The following FMN1 variants were observed in gnomAD, a reference collection of about 807,000 sequenced individuals.
FMN1 encodes formin 1.
Under a neutral mutation model 132.4 loss-of-function variants are expected in FMN1, and 110 were observed. The ratio of observed to expected loss-of-function variants is 0.83; its 90% CI spans 0.71 to 0.97. The LOEUF (loss-of-function observed/expected upper bound fraction) is 0.97, where lower values mean the gene tolerates loss of function less well. Among genes scored for constraint, FMN1 ranks in the 50% least tolerant of loss-of-function variants. FMN1 has a pLI of 0.00. For missense variants in FMN1, 1,792 were observed against 1,705.3 expected, an observed-to-expected ratio of 1.05 and a Z score of -0.90; for synonymous variants, 722 against 651.7, an observed-to-expected ratio of 1.11 and a Z score of -1.64.
At chr15:33,147,528 C>T (rs1382988830) in intron 4 of FMN1, among the ~76,000 whole-genome samples, 1 of 152,196 alleles carries the variant, frequency 6.6e-6, no homozygotes, top group Non-Finnish European at 1.5e-5. Context: ...ATCTTGTACT[C>T]TGAATCCAAA....
intron 17 of FMN1, among the ~76,000 whole-genome samples, chr15:32,835,705 C>T (rs1212231862): frequency 1.3e-5 from 2 of 152,080 alleles, no homozygotes; most frequent in African/African-American, 4.8e-5. Context: ...GTTCAGATAA[C>T]CTTGGGACAC....
In FMN1 at chr15:33,153,699, T is replaced by C. The variant is rs2140283377; in HGVS notation, c.1216A>G (p.Ile406Val). The change falls in exon 4 of 21, where the codon ATT becomes GTT. Residue 406 changes from isoleucine (I) to valine (V), a missense_variant. Physicochemically the swap from Ile to Val is conservative, Grantham distance 29. Transcript: ENST00000616417. ...TCGGCACTGGCCGACACACTAGAAA[T>C]GGAGGCTGTTTCCCCGGCTGGCGAC... is the stretch of plus-strand genomic sequence containing the variant. ...SQSPAGETAS[I>V]SSVSASAEGA... 6.5e-7 allele frequency: 1 copy of C among 1,536,376 alleles called. No individual in the cohort carries two copies. The highest frequency in any genetic ancestry group is 8.7e-7 in the Non-Finnish European group (1 of 1,146,974).
At chr15:32,956,541 G>C (rs1455580189) in intron 9 of FMN1, among the ~76,000 whole-genome samples, 1 of 152,086 alleles carries the variant, frequency 6.6e-6, no homozygotes, top group Non-Finnish European at 1.5e-5. Context: ...GGAAAGCCCT[G>C]ATCATTCCAG....
rs1465222531 is a variant in FMN1, at chr15:33,005,777, G to A, written c.2223+2237C>T. 5.3e-5 allele frequency among the ~76,000 whole-genome samples: 8 copies of A among 152,242 alleles called. No homozygotes were observed. In the South Asian group the frequency reaches 1.5e-3, roughly 28 times the overall value. On this transcript the variant is annotated intron_variant, in intron 7 of 20. Coordinates refer to ENST00000616417, the MANE Select transcript of FMN1 (RefSeq NM_001277313.2). ...CTGTTCCTGCCCTCTTTAGGAATCT[G>A]TGTCTTAAATTATCCCCTACCAATT...
intron 6 of FMN1, among the ~76,000 whole-genome samples, chr15:33,033,964 C>A (rs2036071142): frequency 6.6e-6 from 1 of 152,120 alleles, no homozygotes; most frequent in Non-Finnish European, 1.5e-5. Context: ...GAGGCTTTCT[C>A]ATTTCTCCTC....
Position 33,168,667 on chromosome 15 carries a change from G to A in FMN1, c.-132+11531C>T, listed in dbSNP as rs149105223. Among the ~76,000 whole-genome samples, 743 of 152,316 alleles carry A rather than the reference G, an allele frequency of 4.9e-3. 6 individuals are homozygous for A. The highest frequency in any genetic ancestry group is 0.017 in the African/African-American group (703 of 41,568). On this transcript the variant is annotated intron_variant, in intron 3 of 20. Transcript: ENST00000616417. Reference sequence around the variant, plus strand: ...AAGGGTCAAAGTGTCAAAGTTTGACGTGGTCCTCTTTGTGATTAGGAGGTT... The same window carrying A: ...AAGGGTCAAAGTGTCAAAGTTTGACATGGTCCTCTTTGTGATTAGGAGGTT...
At chr15:33,173,692 G>A (rs1965411829) in intron 3 of FMN1, among the ~76,000 whole-genome samples, 1 of 152,348 alleles carries the variant, frequency 6.6e-6, no homozygotes, top group East Asian at 1.9e-4. Flanking sequence ...ACATTGGGAG[G>A]CCAAGGCGGG....
At chr15:32,866,957 G>C (rs908199972) in intron 16 of FMN1, among the ~76,000 whole-genome samples, 1 of 152,136 alleles carries the variant, frequency 6.6e-6, no homozygotes, top group South Asian at 2.1e-4. Flanking sequence ...AAGTTCTCTA[G>C]GGTTTGGCAT....
intron 4 of FMN1, among the ~76,000 whole-genome samples, chr15:33,128,057 GA>G (rs1456937315): frequency 2.0e-5 from 3 of 152,130 alleles, no homozygotes; most frequent in Non-Finnish European, 4.4e-5. Context: ...TCAGGTGACA[GA>G]AAGGACAAAA....
chr15:33,035,444 G>A (rs901689715), intron 6 of FMN1, among the ~76,000 whole-genome samples: 1 of 152,106 alleles, frequency 6.6e-6, no homozygotes, highest in Admixed American at 6.6e-5. Flanking sequence ...AAGAACATCT[G>A]GCTCTGCACT....
chr15:32,892,572 T>C (rs1041373418), intron 15 of FMN1, among the ~76,000 whole-genome samples: 1 of 152,210 alleles, frequency 6.6e-6, no homozygotes, highest in African/African-American at 2.4e-5. Context: ...GCTTGCTTCA[T>C]AAAATAAATT....
Position 32,842,258 on chromosome 15 carries a change from T to G in FMN1, c.3928+14757A>C, listed in dbSNP as rs114416432. On this transcript the variant is annotated intron_variant, in intron 17 of 20. Transcript: ENST00000616417. Reference sequence around the variant, plus strand: ...ATGCTATGAGAAAGCGCAAGCCATGTGGAGTGACTGCACGGGCTCTCAGAG... The same window carrying G: ...ATGCTATGAGAAAGCGCAAGCCATGGGGAGTGACTGCACGGGCTCTCAGAG... Among the ~76,000 whole-genome samples, 246 of 152,322 alleles carry G rather than the reference T, an allele frequency of 1.6e-3. 1 individual carries two copies. Among genetic ancestry groups the G allele is most frequent in the African/African-American group, 5.6e-3 (234 of 41,578 alleles).
intron 5 of FMN1, among the ~76,000 whole-genome samples, chr15:33,080,013 T>G (rs890760828): frequency 2.0e-5 from 3 of 152,172 alleles, no homozygotes; most frequent in African/African-American, 7.2e-5. Flanking sequence ...ACATACACAC[T>G]GACATGTACT....
intron 6 of FMN1, among the ~76,000 whole-genome samples, chr15:33,061,978 A>T (rs2037505701): frequency 6.6e-6 from 1 of 152,168 alleles, no homozygotes; most frequent in Non-Finnish European, 1.5e-5. Flanking sequence ...TTAAGCTAAA[A>T]GAATTATCAG....
At chr15:32,898,371 C>T (rs1158432656) in intron 15 of FMN1, among the ~76,000 whole-genome samples, 5 of 152,170 alleles carry the variant, frequency 3.3e-5, no homozygotes, top group Non-Finnish European at 7.4e-5. Flanking sequence ...TTTCTAATTG[C>T]AAATGCCCTC....
intron 4 of FMN1, among the ~76,000 whole-genome samples, chr15:33,110,157 C>A (rs1373789931): frequency 6.6e-6 from 1 of 151,976 alleles, no homozygotes; most frequent in African/African-American, 2.4e-5. Context: ...TAAACAAATT[C>A]TCTAAAATGC....
At chr15:33,115,199 A>G (rs1242669023) in intron 4 of FMN1, among the ~76,000 whole-genome samples, 1 of 152,206 alleles carries the variant, frequency 6.6e-6, no homozygotes, top group Non-Finnish European at 1.5e-5. Context: ...TTAAGTGTTA[A>G]AAGGAGAGTA....
At chr15:32,840,955 G>C (rs1382062073) in intron 17 of FMN1, among the ~76,000 whole-genome samples, 1 of 152,182 alleles carries the variant, frequency 6.6e-6, no homozygotes, top group Admixed American at 6.6e-5. Context: ...CACAGTACAA[G>C]AGTTTGTATT....
chr15:33,075,020 CA>C (rs57504432), intron 5 of FMN1, among the ~76,000 whole-genome samples: 1,022 of 61,532 alleles, frequency 0.017, 4 homozygotes, highest in African/African-American at 0.076. Context: ...GATTCCATCT[CA>C]AAAAAAAAAA....
Sources: gnomAD v4.1 joint callset for allele counts (sites outside exome capture counted in the v4.1 genomes callset) on GRCh38, gnomAD v4.1.1 for gene constraint, MANE v1.5 for transcripts, NCBI Gene and HGNC (gene_info 2026-07-23, HGNC 2026-07-21) for gene names.